The following CES3 variants were observed in gnomAD, a reference collection of about 807,000 sequenced individuals.
CES3 encodes the protein carboxylesterase 3.
CES3 carries 49 observed loss-of-function variants against 57.6 expected under a neutral mutation model. The ratio of observed to expected loss-of-function variants is 0.85; its 90% CI spans 0.68 to 1.08. The LOEUF is 1.08. CES3 is among the 50% of genes least tolerant of loss of function. The pLI is 0.00. For missense variants in CES3, 645 were observed against 742.0 expected (o/e 0.87, Z 1.52); for synonymous variants, 266 against 281.6 (o/e 0.94, Z 0.55).
chr16:66,970,085 GTTTTCTTTTC>G (rs1175373403), intron 9 of CES3, among the ~76,000 whole-genome samples: 22 of 149,552 alleles, frequency 1.5e-4, no homozygotes, highest in African/African-American at 4.9e-4. Flanking sequence ...CTGCAACTCT[GTTTTCTTTTC>G]TTTTCTTTTC....
At chr16:66,971,867 G>A (rs1442604195) in intron 10 of CES3, among the ~76,000 whole-genome samples, 1 of 152,186 alleles carries the variant, frequency 6.6e-6, no homozygotes, top group Non-Finnish European at 1.5e-5. Context: ...CAGGCGCGGT[G>A]GGTGGCTCAA....
rs1163909652 is a variant in CES3 at position 66,963,215 on chromosome 16, T to G, written c.119T>G (p.Leu40Arg). 1 of 1,614,124 alleles carries G rather than the reference T, an allele frequency of 6.2e-7. No individual in the cohort carries two copies. The highest frequency in any genetic ancestry group is 1.1e-5 in the South Asian group (1 of 91,092). ...GCTCAGCCTGAAGTAGACACCACCC[T>G]GGGTCGTGTGCGAGGCCGGCAGGTG... ...EVAQPEVDTT[L>R]GRVRGRQVGV... is the part of the protein sequence containing the mutation. The change falls in exon 2 of 13, where the codon CTG (leucine) becomes CGG (arginine). Residue 40 changes from leucine (L) to arginine (R), a missense_variant. By Grantham distance (102) the Leu-to-Arg change is moderately radical. Coordinates refer to ENST00000303334, the MANE Select transcript of CES3 (RefSeq NM_024922.6). This position sits in a 1 kb window ranked among gnomAD's most constrained non-coding sequence, Gnocchi z 4.9.
rs1287160699 is a variant in CES3, at chr16:66,964,625, C to A, written c.717C>A (p.Val239=). ...SAGGSIISGL[V]LSPVAAGLFH... is the part of the protein sequence containing the mutation. ...CCTCCTCTCTCCAATGCACCCAGGT[C>A]CTGTCCCCAGTGGCTGCAGGGCTGT... The change falls in exon 6 of 13, where the codon GTC becomes GTA. Residue 239 remains valine, a splice_region_variant and synonymous_variant. Transcript: ENST00000303334. 10 of 1,613,828 alleles carry A rather than the reference C, an allele frequency of 6.2e-6. No individual in the cohort carries two copies. Among genetic ancestry groups the A allele is most frequent in the Non-Finnish European group, 8.5e-6 (10 of 1,179,886 alleles).
At position 66,971,183 on chromosome 16, in the gene CES3, T is replaced by C. The variant is rs373103402; in HGVS notation, c.1155T>C (p.Pro385=). The C allele has an allele frequency of 4.8e-5, 77 of 1,613,344 alleles. No individual in the cohort carries two copies. Among genetic ancestry groups the C allele is most frequent in the Non-Finnish European group, 2.7e-5 (32 of 1,179,634 alleles). The change falls in exon 10 of 13, where the codon CCT becomes CCC. Residue 385 remains proline (P), a synonymous_variant. Transcript: ENST00000303334. ...TPVLTSLDVP[P]EMMPTVIDEY... is the part of the protein sequence containing the mutation. ...GCCTCTTGCCCCAGGATGTGCCCCCTGAGATGATGCCCACCGTCATAGATG... is the reference window on the plus strand; with the variant it reads ...GCCTCTTGCCCCAGGATGTGCCCCCCGAGATGATGCCCACCGTCATAGATG...
chr16:66,964,257 C>A (rs555440096), intron 4 of CES3, 100 bp from the exon 5 acceptor site: 64 of 1,486,432 alleles, frequency 4.3e-5, no homozygotes, highest in Middle Eastern at 4.9e-4. Flanking sequence ...ACCTGGGGAG[C>A]AGAGAAGGGT....
chr16:66,967,698 T>C (rs1311101813), intron 8 of CES3: 2 of 985,216 alleles, frequency 2.0e-6, no homozygotes, highest in Non-Finnish European at 1.2e-6. Flanking sequence ...TTTTTTTTTT[T>C]TTCGTCTTGG....
chr16:66,964,403 G>A lies in CES3; in HGVS notation c.607G>A (p.Val203Ile), dbSNP rs192232334. ...TGGCAACCAGGGCTTCCTAGATGTGGTAGCTGCTTTGCGCTGGGTGCAAGA... is the reference window on the plus strand; with the variant it reads ...TGGCAACCAGGGCTTCCTAGATGTGATAGCTGCTTTGCGCTGGGTGCAAGA... ...APGNQGFLDV[V>I]AALRWVQENI... Residue 203 changes from valine to isoleucine, a missense_variant, in exon 5 of 13, where the codon GTA (valine) becomes ATA (isoleucine). By Grantham distance (29) the Val-to-Ile change is conservative. Transcript: ENST00000303334. The A allele has an allele frequency of 3.6e-5, 58 of 1,614,142 alleles. No homozygotes were observed. The African/African-American group carries it at 6.9e-4, about 19-fold the overall frequency.
In CES3 at chr16:66,974,236, C is replaced by A; in HGVS notation, c.*1187C>A. 1 of 153,030 alleles carries A rather than the reference C, an allele frequency of 6.5e-6. No individual in the cohort carries two copies. Among genetic ancestry groups the A allele is most frequent in the Non-Finnish European group, 1.5e-5 (1 of 68,590 alleles). The allele number at this position is 153,030 out of a possible 1,614,324, so 9.5% of individuals were successfully genotyped here. A position where few individuals can be genotyped will look rare whatever the true frequency, so the allele number is the denominator to read the frequency against. ...CTGTAGGAGCCCCTTTCTGGGCTGG[C>A]CAAGGCCGGAGCCAGCTCCCTCAGC... On this transcript the variant is annotated 3_prime_UTR_variant, in exon 13 of 13. Coordinates refer to ENST00000303334, the MANE Select transcript of CES3 (RefSeq NM_024922.6).
chr16:66,972,912 C>T lies in CES3; in HGVS notation c.1579C>T (p.Leu527=), dbSNP rs754014274. The change falls in exon 13 of 13, where the codon CTG becomes TTG. Residue 527 remains leucine, a synonymous_variant. Transcript: ENST00000303334. ...CCAATTCAACCAGGCGGAACAATAT[C>T]TGGAGATCAACCCAGTGCCACGGGC... ...WPQFNQAEQY[L]EINPVPRAGQ... The T allele has an allele frequency of 1.9e-6, 3 of 1,614,186 alleles. No homozygotes were observed. The South Asian group carries it at 3.3e-5, about 18-fold the overall frequency.
chr16:66,970,659 G>A (rs995417470), intron 9 of CES3, among the ~76,000 whole-genome samples: 3 of 152,168 alleles, frequency 2.0e-5, no homozygotes, highest in Admixed American at 1.3e-4. Flanking sequence ...CTGCCCACTC[G>A]CCTGGGCTGT....
At chr16:66,968,683 G>T (rs902427985) in intron 8 of CES3, among the ~76,000 whole-genome samples, 1 of 152,206 alleles carries the variant, frequency 6.6e-6, no homozygotes, top group African/African-American at 2.4e-5. Flanking sequence ...GGAGGCTGAG[G>T]TGAGTGGGTC....
rs373819319 is a variant in CES3 at position 66,963,157 on chromosome 16, G to C, written c.83-22G>C. 26 of 1,613,518 alleles carry C rather than the reference G, an allele frequency of 1.6e-5. No homozygotes were observed. The highest frequency in any genetic ancestry group is 1.9e-5 in the Non-Finnish European group (23 of 1,179,526). On this transcript the variant is annotated intron_variant, in intron 1 of 12. Coordinates refer to ENST00000303334, the MANE Select transcript of CES3 (RefSeq NM_024922.6). The surrounding 1 kb of genome is among the most constrained non-coding windows in gnomAD (Gnocchi z 4.9). The stretch of plus-strand genomic sequence containing the variant: ...CATGGGGGCTGCAAACTCACCCCGT[G>C]GCCTTTCTGTCCTTCCCTCAGGGCC...
Position 66,971,197 on chromosome 16 carries a change from C to T in CES3, c.1169C>T (p.Thr390Ile). Residue 390 changes from threonine to isoleucine, a missense_variant, in exon 10 of 13, where the codon ACC (threonine) becomes ATC (isoleucine). By Grantham distance (89) the Thr-to-Ile change is moderately conservative. Coordinates refer to ENST00000303334, the MANE Select transcript of CES3 (RefSeq NM_024922.6). ...SLDVPPEMMPTVIDEYLGSNS... is the reference protein window; with the variant it reads ...SLDVPPEMMPIVIDEYLGSNS... The stretch of plus-strand genomic sequence containing the variant: ...GATGTGCCCCCTGAGATGATGCCCA[C>T]CGTCATAGATGAATACCTAGGAAGC... 1 of 1,613,826 alleles carries T rather than the reference C, an allele frequency of 6.2e-7. No homozygotes were observed. The highest frequency in any genetic ancestry group is 8.5e-7 in the Non-Finnish European group (1 of 1,179,836).
Position 66,963,945 on chromosome 16 carries a change from C to G in CES3, c.560+10C>G. ...TCCTTGGCTTCTTCAGGTGAGACGA[C>G]AGGCATGGCCAGAGCACTGCCTGCA... On this transcript the variant is annotated intron_variant, in intron 4 of 12. Transcript: ENST00000303334. The surrounding 1 kb of genome is among the most constrained non-coding windows in gnomAD (Gnocchi z 4.9). 6.2e-7 allele frequency: 1 copy of G among 1,609,566 alleles called. No homozygotes were observed. The highest frequency in any genetic ancestry group is 8.5e-7 in the Non-Finnish European group (1 of 1,176,590).
In CES3 at chr16:66,964,377, C is replaced by T; in HGVS notation, c.581C>T (p.Pro194Leu). 1 of 1,614,010 alleles carries T rather than the reference C, an allele frequency of 6.2e-7. No homozygotes were observed. The highest frequency in any genetic ancestry group is 2.2e-5 in the East Asian group (1 of 44,866). Residue 194 changes from proline to leucine, a missense_variant, in exon 5 of 13, where the codon CCT (proline) becomes CTT (leucine). Transcript: ENST00000303334. ...GFFSTGDEHA[P>L]GNQGFLDVVA... ...CCCAGCACTGGAGATGAGCATGCACCTGGCAACCAGGGCTTCCTAGATGTG... is the reference window on the plus strand; with the variant it reads ...CCCAGCACTGGAGATGAGCATGCACTTGGCAACCAGGGCTTCCTAGATGTG...
At chr16:66,969,208 C>G (rs1278242546) in intron 8 of CES3, among the ~76,000 whole-genome samples, 1 of 152,242 alleles carries the variant, frequency 6.6e-6, no homozygotes, top group East Asian at 1.9e-4. Context: ...GAGTGTGAGA[C>G]CAGCCTGGCC....
intron 8 of CES3, 86 bp downstream of exon 8, chr16:66,966,951 C>T (rs1395916164): frequency 1.5e-5 from 22 of 1,487,902 alleles, no homozygotes; most frequent in South Asian, 7.0e-5. Context: ...GCCTTGTGAA[C>T]GGAGCACTCC....
At chr16:66,968,149 T>A (rs1171679728) in intron 8 of CES3, among the ~76,000 whole-genome samples, 1 of 152,126 alleles carries the variant, frequency 6.6e-6, no homozygotes, top group East Asian at 1.9e-4. Flanking sequence ...TCTTCTAGTT[T>A]TTTTGTTTGT....
At chr16:66,964,063 G>C in intron 4 of CES3, 128 bp downstream of exon 4, 1 of 1,388,130 alleles carries the variant, frequency 7.2e-7, no homozygotes. Context: ...GTCTGAGGCA[G>C]AGAAGGGCAC....
Sources: gnomAD v4.1 joint callset for allele counts (sites outside exome capture counted in the v4.1 genomes callset) on GRCh38, gnomAD v4.1.1 for gene constraint, Gnocchi (gnomAD v3.1) non-coding constraint, MANE v1.5 for transcripts, NCBI Gene and HGNC (gene_info 2026-07-23, HGNC 2026-07-21) for gene names.